Variants in SLC2A9 observed in about 807,000 individuals in gnomAD.
SLC2A9 encodes the protein solute carrier family 2, facilitated glucose transporter member 9.
Under a neutral mutation model 50.6 loss-of-function variants are expected in SLC2A9, and 39 were observed. That is an observed-to-expected ratio of 0.77 (90% CI 0.60 to 1.01). The LOEUF (loss-of-function observed/expected upper bound fraction) is 1.01. SLC2A9 is among the 50% of genes least tolerant of loss of function. SLC2A9 has a pLI of 0.00. For synonymous variants in SLC2A9, 324 were observed against 276.9 expected, an observed-to-expected ratio of 1.17 and a Z score of -1.69; for missense variants, 686 against 677.6, an observed-to-expected ratio of 1.01 and a Z score of -0.14.
At chr4:10,018,697 C>G (rs1763073501) in intron 2 of SLC2A9, among the ~76,000 whole-genome samples, 1 of 152,094 alleles carries the variant, frequency 6.6e-6, no homozygotes, top group South Asian at 2.1e-4. Context: ...CCCACCCCAC[C>G]CCGGGACTTC....
intron 6 of SLC2A9, among the ~76,000 whole-genome samples, chr4:9,935,140 T>C (rs1442533771): frequency 6.6e-6 from 1 of 152,224 alleles, no homozygotes; most frequent in Non-Finnish European, 1.5e-5. Flanking sequence ...GTCTTTACAG[T>C]ACAATGATTT....
At chr4:9,992,553 T>C (rs1299412462) in intron 3 of SLC2A9, among the ~76,000 whole-genome samples, 1 of 152,158 alleles carries the variant, frequency 6.6e-6, no homozygotes, top group Non-Finnish European at 1.5e-5. Flanking sequence ...CTCGCTCAAG[T>C]CAAAGAGATT....
At chr4:9,952,540 T>G (rs1430604728) in intron 5 of SLC2A9, among the ~76,000 whole-genome samples, 1 of 151,906 alleles carries the variant, frequency 6.6e-6, no homozygotes, top group African/African-American at 2.4e-5. Flanking sequence ...GTCTGTCTTT[T>G]TTTTTTTTTT....
chr4:9,838,503 G>A (rs918071257), intron 10 of SLC2A9, among the ~76,000 whole-genome samples: 9 of 152,162 alleles, frequency 5.9e-5, no homozygotes, highest in South Asian at 4.2e-4. Context: ...ATAAAAAACC[G>A]TTTTAAAATT....
At chr4:9,875,041 G>C in intron 10 of SLC2A9, among the ~76,000 whole-genome samples, 1 of 144,554 alleles carries the variant, frequency 6.9e-6, no homozygotes, top group East Asian at 2.0e-4. Flanking sequence ...CCATAGGTTA[G>C]CGTCTGTCTA....
chr4:9,793,452 G>A (rs980688928), intron 3 of SLC2A9, among the ~76,000 whole-genome samples: 10 of 152,168 alleles, frequency 6.6e-5, no homozygotes, highest in African/African-American at 2.4e-4. Context: ...GCACAAACAA[G>A]TTCATGCCCT....
chr4:10,016,468 G>A (rs999437940), intron 2 of SLC2A9, among the ~76,000 whole-genome samples: 5 of 152,156 alleles, frequency 3.3e-5, no homozygotes, highest in African/African-American at 1.2e-4. Context: ...CACCTCATGA[G>A]GGCTTTTTCC....
chr4:9,878,984 C>T lies in SLC2A9; in HGVS notation c.1291+8583G>A, dbSNP rs563148532. 5 of 961,944 alleles carry T rather than the reference C, an allele frequency of 5.2e-6. No individual in the cohort carries two copies. The Admixed American group carries it at 3.1e-4, about 59-fold the overall frequency. 59.6% of individuals were successfully genotyped at this position (961,944 alleles called of 1,614,324 possible). A position where few individuals can be genotyped will look rare whatever the true frequency, so the allele number is the denominator to read the frequency against. ...TGGTGGTAGAAAACACCACACACCA[C>T]ACAGTAGGAACTTAATGAGTATGTT... is the stretch of plus-strand genomic sequence containing the variant. On this transcript the variant is annotated intron_variant, in intron 10 of 11. Coordinates refer to ENST00000264784, the MANE Select transcript of SLC2A9 (RefSeq NM_020041.3).
At chr4:9,861,703 GTGAATGAA>G (rs56975965) in intron 10 of SLC2A9, among the ~76,000 whole-genome samples, 70,477 of 150,700 alleles carry the variant, frequency 0.47, 18,776 homozygotes, top group African/African-American at 0.73. Flanking sequence ...ATATGGATAA[GTGAATGAA>G]TGAATGAATG....
At chr4:10,036,885 C>G (rs1212577194) in intron 1 of SLC2A9, among the ~76,000 whole-genome samples, 2 of 152,170 alleles carry the variant, frequency 1.3e-5, no homozygotes, top group African/African-American at 2.4e-5. Flanking sequence ...GGATTTCCAC[C>G]CTGGTAAGTA....
At chr4:9,796,502 T>G (rs138052838), downstream of SLC2A9, among the ~76,000 whole-genome samples, 360 of 152,334 alleles carry the variant, frequency 2.4e-3, 2 homozygotes, top group Middle Eastern at 0.02. Context: ...CTGTAAGGAT[T>G]AGATGAGATT....
intron 10 of SLC2A9, among the ~76,000 whole-genome samples, chr4:9,887,180 C>A (rs564260827): frequency 1.3e-5 from 2 of 152,368 alleles, no homozygotes; most frequent in Non-Finnish European, 2.9e-5. Flanking sequence ...AATCAATGAA[C>A]AATATGTCTT....
chr4:9,943,243 C>T (rs1053391377), intron 5 of SLC2A9, among the ~76,000 whole-genome samples: 9 of 152,224 alleles, frequency 5.9e-5, no homozygotes, highest in African/African-American at 1.4e-4. Context: ...GGGGAAGTGG[C>T]CTGCCAGGGG....
At chr4:9,931,749 T>C (rs1468530431) in intron 6 of SLC2A9, among the ~76,000 whole-genome samples, 2 of 151,644 alleles carry the variant, frequency 1.3e-5, no homozygotes, top group African/African-American at 2.4e-5. Flanking sequence ...TTGCTGTGCA[T>C]CTGGGATGGC....
At chr4:10,029,782 A>G (rs1287842899) in intron 1 of SLC2A9, among the ~76,000 whole-genome samples, 1 of 151,172 alleles carries the variant, frequency 6.6e-6, no homozygotes, top group East Asian at 1.9e-4. Flanking sequence ...ATGCCTGGCT[A>G]ATTTTTGTTT....
chr4:9,930,370 G>C (rs1050832953), intron 6 of SLC2A9, among the ~76,000 whole-genome samples: 10 of 152,214 alleles, frequency 6.6e-5, no homozygotes, highest in African/African-American at 2.4e-4. Flanking sequence ...GGGTAGGAGG[G>C]AGAGCCAGAA....
chr4:9,785,166 TG>T (rs1370919295), intron 3 of SLC2A9, among the ~76,000 whole-genome samples: 3 of 152,230 alleles, frequency 2.0e-5, no homozygotes, highest in Non-Finnish European at 4.4e-5. Flanking sequence ...GATCGTCGCA[TG>T]ACCTTGAGTG....
intron 2 of SLC2A9, among the ~76,000 whole-genome samples, chr4:10,010,603 C>T (rs573497673): frequency 4.6e-5 from 7 of 152,204 alleles, no homozygotes; most frequent in East Asian, 3.9e-4. Context: ...CTTTGATAGA[C>T]GCCAGGGAAA....
At chr4:9,889,271 G>T (rs927806869) in intron 9 of SLC2A9, among the ~76,000 whole-genome samples, 6 of 152,132 alleles carry the variant, frequency 3.9e-5, no homozygotes, top group African/African-American at 7.2e-5. Flanking sequence ...AAACTGCCAG[G>T]TTCCTTGAGG....
Sources: gnomAD v4.1 joint callset for allele counts (sites outside exome capture counted in the v4.1 genomes callset) on GRCh38, gnomAD v4.1.1 for gene constraint, MANE v1.5 for transcripts, NCBI Gene and HGNC (gene_info 2026-07-23, HGNC 2026-07-21) for gene names.